WDR49: variants seen among roughly 807,000 people sequenced by gnomAD.
The protein encoded by WDR49 is WD repeat domain 49, also known as cilia- and flagella-associated protein 337.
Under a neutral mutation model 119.5 loss-of-function variants are expected in WDR49, and 107 were observed. The ratio of observed to expected loss-of-function variants is 0.90; its 90% confidence interval spans 0.77 to 1.05. The LOEUF (loss-of-function observed/expected upper bound fraction) is 1.05. Ranked by LOEUF, WDR49 falls within the 50% of genes least tolerant of loss-of-function variation. The pLI, the probability that WDR49 is intolerant of heterozygous loss-of-function variation, is 0.00. For synonymous variants in WDR49, 425 were observed against 418.8 expected (o/e 1.01, Z -0.18); for missense variants, 1,240 against 1,220.5 (o/e 1.02, Z -0.24).
chr3:167,540,744 T>C (rs1292589250), intron 10 of WDR49, among the ~76,000 whole-genome samples: 1 of 151,848 alleles, frequency 6.6e-6, no homozygotes, highest in Non-Finnish European at 1.5e-5. Context: ...GGCAGATTAT[T>C]AAGCTACTCC....
intron 2 of WDR49, among the ~76,000 whole-genome samples, chr3:167,641,217 G>C (rs781771436): frequency 6.6e-6 from 1 of 151,896 alleles, no homozygotes; most frequent in Non-Finnish European, 1.5e-5. Context: ...TCCCACCCAT[G>C]AGTTATGTGT....
chr3:167,515,028 T>C (rs1378596447), intron 16 of WDR49, among the ~76,000 whole-genome samples: 1 of 152,060 alleles, frequency 6.6e-6, no homozygotes, highest in African/African-American at 2.4e-5. Flanking sequence ...ACCAGAGTGA[T>C]TCACAGCTGA....
chr3:167,613,429 G>T (rs1285394322), intron 5 of WDR49, among the ~76,000 whole-genome samples: 2 of 152,194 alleles, frequency 1.3e-5, no homozygotes, highest in Admixed American at 1.3e-4. Context: ...GCTCACAGCG[G>T]ATTTCAACTG....
At chr3:167,589,064 G>T (rs993661310) in intron 7 of WDR49, among the ~76,000 whole-genome samples, 1 of 152,076 alleles carries the variant, frequency 6.6e-6, no homozygotes, top group African/African-American at 2.4e-5. Context: ...CAGATTCATA[G>T]TTTGAGGTAT....
chr3:167,610,560 A>C (rs944506758), intron 5 of WDR49, among the ~76,000 whole-genome samples: 3 of 152,234 alleles, frequency 2.0e-5, no homozygotes, highest in Admixed American at 6.5e-5. Context: ...TTTTGACTCT[A>C]GTCCCTGACT....
chr3:167,489,914 G>A, intron 18 of WDR49, among the ~76,000 whole-genome samples: 1 of 152,030 alleles, frequency 6.6e-6, no homozygotes, highest in East Asian at 1.9e-4. Flanking sequence ...AAACTTATAT[G>A]TGCATAAGAA....
At chr3:167,613,340 T>G (rs563424515) in intron 5 of WDR49, among the ~76,000 whole-genome samples, 120 of 152,340 alleles carry the variant, frequency 7.9e-4, no homozygotes, top group African/African-American at 2.6e-3. Context: ...ATGTCCATGA[T>G]ACAAATGAAT....
intron 9 of WDR49, among the ~76,000 whole-genome samples, chr3:167,557,588 C>T (rs1201302805): frequency 6.6e-6 from 1 of 152,010 alleles, no homozygotes; most frequent in African/African-American, 2.4e-5. Context: ...GTTTCCCCTA[C>T]TAAAAATACA....
intron 16 of WDR49, among the ~76,000 whole-genome samples, chr3:167,512,305 G>A (rs1296721780): frequency 3.3e-5 from 5 of 152,180 alleles, no homozygotes; most frequent in Non-Finnish European, 7.3e-5. Context: ...ACCTCCAGGT[G>A]CATGAGGGAC....
chr3:167,521,916 C>T (rs1157900698), intron 16 of WDR49, among the ~76,000 whole-genome samples: 2 of 151,690 alleles, frequency 1.3e-5, no homozygotes, highest in Non-Finnish European at 2.9e-5. Flanking sequence ...TCACATAAAC[C>T]GCTGTGCACT....
chr3:167,491,288 C>T lies in WDR49; in HGVS notation c.3031+8865G>A, dbSNP rs74858513. ...TTAAACACAAGGGGGATGAGACTGGCGATGCTGAACTTTACCTCAGTCCAG... is the reference window on the plus strand; with the variant it reads ...TTAAACACAAGGGGGATGAGACTGGTGATGCTGAACTTTACCTCAGTCCAG... On this transcript the variant is annotated intron_variant, in intron 18 of 18. Transcript: ENST00000682715. 9.4e-4 allele frequency among the ~76,000 whole-genome samples: 143 copies of T among 152,188 alleles called. 2 individuals carry two copies. In the East Asian group the frequency reaches 0.016, roughly 17 times the overall value.
At chr3:167,491,908 G>C (rs1751147786) in intron 18 of WDR49, among the ~76,000 whole-genome samples, 1 of 152,100 alleles carries the variant, frequency 6.6e-6, no homozygotes, top group African/African-American at 2.4e-5. Flanking sequence ...AAACCCAGCA[G>C]GTATGGCTAA....
At chr3:167,594,998 C>T (rs1254874713) in intron 7 of WDR49, among the ~76,000 whole-genome samples, 1 of 149,992 alleles carries the variant, frequency 6.7e-6, no homozygotes, top group African/African-American at 2.5e-5. Context: ...TCTCCTTAAG[C>T]TGATAAGCAA....
chr3:167,614,154 G>A (rs1716486838), intron 5 of WDR49, among the ~76,000 whole-genome samples: 1 of 151,890 alleles, frequency 6.6e-6, no homozygotes, highest in Non-Finnish European at 1.5e-5. Context: ...GAGTGCTATG[G>A]GCAATGGCGC....
At chr3:167,652,162 T>C (rs929151295) in intron 2 of WDR49, among the ~76,000 whole-genome samples, 4 of 152,150 alleles carry the variant, frequency 2.6e-5, no homozygotes, top group African/African-American at 9.7e-5. Context: ...AAGGTTGAAA[T>C]GAGAAAAGTG....
intron 8 of WDR49, among the ~76,000 whole-genome samples, chr3:167,574,594 GT>G (rs879901725): frequency 0.012 from 1,837 of 152,192 alleles, 28 homozygotes; most frequent in South Asian, 0.026. Context: ...TATGTACATT[GT>G]CCTTTGGTTG....
rs77124864 is a variant in WDR49 at position 167,594,134 on chromosome 3, T to A, written c.1275+7993A>T. ...GAAAATTGGCACTGGGAAAGTGGAG[T>A]GCTGCTATAAAGATACCTGGAAATG... On this transcript the variant is annotated intron_variant, in intron 7 of 18. Transcript: ENST00000682715. Among the ~76,000 whole-genome samples, 506 of 151,938 alleles carry A rather than the reference T, an allele frequency of 3.3e-3. 4 individuals are homozygous for A. Among genetic ancestry groups the A allele is most frequent in the African/African-American group, 0.012 (477 of 41,428 alleles).
chr3:167,561,676 T>C (rs1264845365), intron 8 of WDR49, among the ~76,000 whole-genome samples: 1 of 152,094 alleles, frequency 6.6e-6, no homozygotes, highest in Non-Finnish European at 1.5e-5. Context: ...GAATTGAAGA[T>C]GGAGACATGT....
At chr3:167,656,756 G>A (rs868456725), upstream of WDR49, among the ~76,000 whole-genome samples, 1 of 152,006 alleles carries the variant, frequency 6.6e-6, no homozygotes, top group Non-Finnish European at 1.5e-5. Context: ...AAATTCCTGC[G>A]GCACTGTAAA....
Sources: gnomAD v4.1 joint callset for allele counts (sites outside exome capture counted in the v4.1 genomes callset) on GRCh38, gnomAD v4.1.1 for gene constraint, MANE v1.5 for transcripts, NCBI Gene and HGNC (gene_info 2026-07-23, HGNC 2026-07-21) for gene names.